The following PCM1 variants were observed in gnomAD, a reference collection of about 807,000 sequenced individuals.
PCM1 encodes the protein pericentriolar material 1.
PCM1 carries 157 observed loss-of-function variants against 241.9 expected under a neutral mutation model. That is an observed-to-expected ratio of 0.65 (90% CI 0.57 to 0.74). The LOEUF is 0.74. Ranked by LOEUF, PCM1 falls within the 30% of genes least tolerant of loss-of-function variation. PCM1 has a pLI of 0.00. For missense variants in PCM1, 3,478 were observed against 2,360.1 expected (o/e 1.47, Z -9.81); for synonymous variants, 1,085 against 784.9 (o/e 1.38, Z -6.39).
intron 23 of PCM1, among the ~76,000 whole-genome samples, chr8:17,976,183 T>G (rs1234923550): frequency 6.6e-6 from 1 of 152,196 alleles, no homozygotes; most frequent in Non-Finnish European, 1.5e-5. Context: ...AAACAACTAG[T>G]CAACTTTTTG....
At chr8:17,996,660 A>G (rs2086869555) in intron 29 of PCM1, among the ~76,000 whole-genome samples, 2 of 151,932 alleles carry the variant, frequency 1.3e-5, no homozygotes, top group South Asian at 4.2e-4. Context: ...GTTTTTTAAC[A>G]TCCATTGTTT....
At chr8:18,005,067 C>A (rs2090870052) in intron 29 of PCM1, among the ~76,000 whole-genome samples, 1 of 152,130 alleles carries the variant, frequency 6.6e-6, no homozygotes, top group Non-Finnish European at 1.5e-5. Context: ...AAAATACTTT[C>A]ACTCTTTTCT....
At chr8:17,950,548 G>T in intron 7 of PCM1, 67 bp from the exon 8 acceptor site, 1 of 784,304 alleles carries the variant, frequency 1.3e-6, no homozygotes, top group Non-Finnish European at 2.1e-6. Flanking sequence ...TTTATTTTTA[G>T]CTTCTCAGAG....
chr8:17,980,576 CT>C lies in PCM1; in HGVS notation c.3944-8del. ...TAGTTGCAACTGATAACAGTTGTCA[CT>C]TTTTTTACTCAAGGGTATGAAAGTG... On this transcript the variant is annotated splice_polypyrimidine_tract_variant and intron_variant, in intron 23 of 38. Transcript: ENST00000325083. 2.6e-6 allele frequency: 4 copies of C among 1,560,658 alleles called. No homozygotes were observed. The highest frequency in any genetic ancestry group is 1.2e-5 in the South Asian group (1 of 81,512).
chr8:17,978,582 C>T (rs1029966802), intron 23 of PCM1, among the ~76,000 whole-genome samples: 1 of 151,996 alleles, frequency 6.6e-6, no homozygotes, highest in Non-Finnish European at 1.5e-5. Flanking sequence ...ACACAGTTGA[C>T]AAAGAACTGC....
intron 23 of PCM1, among the ~76,000 whole-genome samples, chr8:17,977,768 C>T (rs2079269731): frequency 6.6e-6 from 1 of 152,118 alleles, no homozygotes; most frequent in Non-Finnish European, 1.5e-5. Flanking sequence ...GAGAAGATTC[C>T]TCTCATTGTC....
At chr8:17,968,706 A>G (rs903428710) in intron 21 of PCM1, among the ~76,000 whole-genome samples, 7 of 148,604 alleles carry the variant, frequency 4.7e-5, no homozygotes, top group African/African-American at 1.5e-4. Context: ...ATGCCCAGCA[A>G]TGTGTATATA....
chr8:18,027,596 T>C (rs772285516), intron 38 of PCM1, 41 bp from the exon 39 acceptor site: 6 of 1,433,474 alleles, frequency 4.2e-6, no homozygotes, highest in Non-Finnish European at 5.8e-6. Flanking sequence ...TTCTAGTAAT[T>C]CGATAAGTAA....
intron 6 of PCM1, among the ~76,000 whole-genome samples, chr8:17,944,530 C>G (rs370137139): frequency 6.6e-6 from 1 of 151,950 alleles, no homozygotes; most frequent in Non-Finnish European, 1.5e-5. Flanking sequence ...GGTTTGATGC[C>G]TAAGTTATTT....
chr8:18,013,900 A>G (rs2129486102), intron 34 of PCM1, 64 bp from the exon 35 acceptor site: 3 of 921,786 alleles, frequency 3.3e-6, no homozygotes, highest in Non-Finnish European at 5.0e-6. Context: ...ACACACTAGT[A>G]ATCATCTCTT....
In PCM1 at chr8:17,962,192, C is replaced by G. The variant is rs1263396059; in HGVS notation, c.2463+18C>G. On this transcript the variant is annotated intron_variant, in intron 16 of 38. Transcript: ENST00000325083. Reference sequence around the variant, plus strand: ...ATAATGAGGTATTGTAAATTGTACTCTCTTGTTCCTGAGTTAGTCTTTTGT... The same window carrying G: ...ATAATGAGGTATTGTAAATTGTACTGTCTTGTTCCTGAGTTAGTCTTTTGT... 1.8e-5 allele frequency: 29 copies of G among 1,582,162 alleles called. No individual in the cohort carries two copies. Among genetic ancestry groups the G allele is most frequent in the Admixed American group, 7.2e-5 (4 of 55,366 alleles).
At chr8:17,997,535 CT>C (rs146813234) in intron 29 of PCM1, among the ~76,000 whole-genome samples, 8 of 151,356 alleles carry the variant, frequency 5.3e-5, no homozygotes, top group South Asian at 2.1e-4. Flanking sequence ...TTGTGTTTTA[CT>C]TTTTTTTTCT....
chr8:17,959,559 A>T (rs2070605184), intron 13 of PCM1, among the ~76,000 whole-genome samples: 1 of 78,044 alleles, frequency 1.3e-5, no homozygotes, highest in South Asian at 3.1e-4. Context: ...ATTTTAAAGG[A>T]CACAACTTAA....
rs566797907 is a variant in PCM1 at position 17,966,140 on chromosome 8, G to T, written c.2997G>T (p.Trp999Cys). ...CTTACGTAGAAGAGAAAGAACAATGGCAAGAACAAATCAATCAGCTAAAGA... is the reference window on the plus strand; with the variant it reads ...CTTACGTAGAAGAGAAAGAACAATGTCAAGAACAAATCAATCAGCTAAAGA... ...ELSYVEEKEQ[W>C]QEQINQLKKQ... is the part of the protein sequence containing the mutation. The change falls in exon 19 of 39, where the codon TGG becomes TGT. Residue 999 changes from tryptophan to cysteine, a missense_variant. By Grantham distance (215) the Trp-to-Cys change is radical. Transcript: ENST00000325083. 55 of 1,613,872 alleles carry T rather than the reference G, an allele frequency of 3.4e-5. No homozygotes were observed. In the South Asian group the frequency reaches 5.5e-4, roughly 16 times the overall value.
Position 17,980,713 on chromosome 8 carries a change from G to A in PCM1, c.4066G>A (p.Glu1356Lys), listed in dbSNP as rs1278799489. Residue 1356 changes from glutamate to lysine, a missense_variant, in exon 24 of 39, where the codon GAA (glutamate) becomes AAA (lysine). By Grantham distance (56) the Glu-to-Lys change is moderately conservative. Coordinates refer to ENST00000325083, the MANE Select transcript of PCM1 (RefSeq NM_006197.4). ...VFSRKNHEQL[E>K]KIIKCNRSTE... ...CAGCAGAAAGAATCATGAGCAACTG[G>A]AAAAAATAATAAAATGTAATAGGTC... 3 of 1,612,238 alleles carry A rather than the reference G, an allele frequency of 1.9e-6. No homozygotes were observed. The highest frequency in any genetic ancestry group is 2.5e-6 in the Non-Finnish European group (3 of 1,179,234).
chr8:18,004,932 C>G (rs1189560548), intron 29 of PCM1, among the ~76,000 whole-genome samples: 1 of 152,174 alleles, frequency 6.6e-6, no homozygotes, highest in East Asian at 1.9e-4. Flanking sequence ...ATCTGGTGTG[C>G]TTTCCCCCTC....
intron 13 of PCM1, among the ~76,000 whole-genome samples, chr8:17,959,172 A>G (rs13274246): frequency 0.17 from 26,175 of 152,044 alleles, 2,664 homozygotes; most frequent in East Asian, 0.38. Context: ...TACAAACTGT[A>G]TATATAATAC....
rs1382015345 is a variant in PCM1, at chr8:18,006,285, C to T, written c.4850C>T (p.Ser1617Phe). The change falls in exon 30 of 39, where the codon TCC becomes TTC. Residue 1617 changes from serine to phenylalanine, a missense_variant. Ser to Phe is a radical substitution (Grantham distance 155). Coordinates refer to ENST00000325083, the MANE Select transcript of PCM1 (RefSeq NM_006197.4). ...CAGGAGCACATGGATGAAGTATGCT[C>T]CTCGCAGCTTCTAACTTCAGTAAGG... ...FLKEHMDEVCSSQLLTSVRRM... is the reference protein window; with the variant it reads ...FLKEHMDEVCFSQLLTSVRRM... 1.2e-6 allele frequency: 2 copies of T among 1,610,556 alleles called. No individual in the cohort carries two copies. Among genetic ancestry groups the T allele is most frequent in the South Asian group, 2.2e-5 (2 of 90,830 alleles).
intron 36 of PCM1, among the ~76,000 whole-genome samples, chr8:18,021,224 C>G (rs886909390): frequency 4.6e-5 from 7 of 152,116 alleles, no homozygotes; most frequent in Non-Finnish European, 8.8e-5. Flanking sequence ...GTCCTTCAAA[C>G]TGTCATTATT....
Sources: allele counts gnomAD v4.1 joint callset (sites outside exome capture counted in the v4.1 genomes callset), GRCh38; gene constraint gnomAD v4.1.1; transcripts MANE v1.5; gene names NCBI Gene and HGNC (gene_info 2026-07-23, HGNC 2026-07-21).